Variants in TAFA2 observed in about 807,000 individuals in gnomAD.
The protein encoded by TAFA2 is chemokine-like protein TAFA-2.
In TAFA2, 7 loss-of-function variants were observed where a neutral mutation model predicts 18.8. The observed-to-expected ratio is 0.37, with a 90% confidence interval of 0.21 to 0.70. The LOEUF is 0.70. Among genes scored for constraint, TAFA2 ranks in the 30% least tolerant of loss-of-function variants. The pLI, the probability that TAFA2 is intolerant of heterozygous loss-of-function variation, is 0.53. For synonymous variants in TAFA2, 60 were observed against 54.2 expected (o/e 1.11, Z -0.47); for missense variants, 122 against 158.1 (o/e 0.77, Z 1.23).
chr12:62,137,365 A>T (rs1870938993), intron 1 of TAFA2, among the ~76,000 whole-genome samples: 1 of 152,148 alleles, frequency 6.6e-6, no homozygotes. Flanking sequence ...TCTTCACAAG[A>T]ACCCTGGGAG....
intron 1 of TAFA2, among the ~76,000 whole-genome samples, chr12:62,227,823 T>A (rs539496772): frequency 1.3e-5 from 2 of 152,308 alleles, no homozygotes; most frequent in East Asian, 3.9e-4. Flanking sequence ...ATTCTTCTGC[T>A]TATGGTTTGT....
At chr12:62,259,626 T>A (rs2062975078), upstream of TAFA2, 1 of 152,294 alleles carries the variant, frequency 6.6e-6, no homozygotes, top group Non-Finnish European at 1.5e-5. Context: ...AAGAAAATGT[T>A]ACTATCCTGT....
Position 62,086,812 on chromosome 12 carries a change from G to A in TAFA2, c.-2+104447C>T, listed in dbSNP as rs532841571. ...TATAACCAAGAGAGTTGGGAGCAAGGACTCAAGCAGTTATCTATACACCTA... is the reference window on the plus strand; with the variant it reads ...TATAACCAAGAGAGTTGGGAGCAAGAACTCAAGCAGTTATCTATACACCTA... On this transcript the variant is annotated intron_variant, in intron 1 of 4. Transcript: ENST00000416284. Among the ~76,000 whole-genome samples the A allele has an allele frequency of 2.8e-4, 42 of 152,158 alleles. No homozygotes were observed. The East Asian group carries it at 3.9e-3, about 14-fold the overall frequency.
chr12:61,933,946 C>A (rs1339910473), intron 1 of TAFA2, among the ~76,000 whole-genome samples: 1 of 152,170 alleles, frequency 6.6e-6, no homozygotes. Context: ...AGATTAAATT[C>A]CATCACTTGC....
chr12:61,921,274 G>A (rs569616442), intron 1 of TAFA2, among the ~76,000 whole-genome samples: 61 of 152,258 alleles, frequency 4.0e-4, no homozygotes, highest in Non-Finnish European at 8.4e-4. Context: ...CTTAGGAGAC[G>A]ATGAACTAAC....
chr12:62,096,447 G>A (rs1193910417), intron 1 of TAFA2, among the ~76,000 whole-genome samples: 1 of 152,042 alleles, frequency 6.6e-6, no homozygotes, highest in African/African-American at 2.4e-5. Context: ...TCATAAACAA[G>A]AAAATGCAGA....
chr12:62,203,533 C>T (rs955177143), intron 1 of TAFA2, among the ~76,000 whole-genome samples: 2 of 152,130 alleles, frequency 1.3e-5, no homozygotes, highest in Non-Finnish European at 2.9e-5. Context: ...GTATTGGGTG[C>T]CTATATATTT....
chr12:61,895,126 A>G (rs1875786508), intron 1 of TAFA2, among the ~76,000 whole-genome samples: 1 of 152,190 alleles, frequency 6.6e-6, no homozygotes, highest in Non-Finnish European at 1.5e-5. Context: ...GCAGTGAGCC[A>G]ATAAACATGC....
In TAFA2 at chr12:61,842,157, T is replaced by C. The variant is rs116363295; in HGVS notation, c.106+25163A>G. ...ACGTTTAACACTAGATCATGAGTCTTCTCAGCCACATAAATAGGTTTATTA... is the reference window on the plus strand; with the variant it reads ...ACGTTTAACACTAGATCATGAGTCTCCTCAGCCACATAAATAGGTTTATTA... On this transcript the variant is annotated intron_variant, in intron 2 of 4. Coordinates refer to ENST00000416284, the MANE Select transcript of TAFA2 (RefSeq NM_178539.5). Among the ~76,000 whole-genome samples, 1,428 of 152,038 alleles carry C rather than the reference T, an allele frequency of 9.4e-3. 33 individuals carry two copies. The highest frequency in any genetic ancestry group is 0.033 in the African/African-American group (1,360 of 41,484).
At chr12:61,795,280 CG>C (rs1375970516) in intron 2 of TAFA2, among the ~76,000 whole-genome samples, 6 of 152,092 alleles carry the variant, frequency 3.9e-5, no homozygotes, top group Non-Finnish European at 5.9e-5. Flanking sequence ...CACATGCACA[CG>C]TATGTTTATT....
At chr12:62,203,223 C>A (rs1042348794) in intron 1 of TAFA2, among the ~76,000 whole-genome samples, 5 of 152,188 alleles carry the variant, frequency 3.3e-5, no homozygotes, top group African/African-American at 1.2e-4. Flanking sequence ...GATTTTGGTT[C>A]TTTTGCATTT....
At chr12:62,231,485 C>T (rs758332522) in intron 1 of TAFA2, among the ~76,000 whole-genome samples, 1 of 152,156 alleles carries the variant, frequency 6.6e-6, no homozygotes, top group African/African-American at 2.4e-5. Context: ...GTGAGTTTCA[C>T]GTAGGCAGCA....
intron 1 of TAFA2, among the ~76,000 whole-genome samples, chr12:61,963,108 C>T (rs1878946587): frequency 6.6e-6 from 1 of 151,928 alleles, no homozygotes; most frequent in Admixed American, 6.6e-5. Flanking sequence ...GCCATATTTT[C>T]TTTATCCAGT....
At chr12:62,053,836 A>C (rs544686064) in intron 1 of TAFA2, among the ~76,000 whole-genome samples, 1 of 152,340 alleles carries the variant, frequency 6.6e-6, no homozygotes, top group South Asian at 2.1e-4. Flanking sequence ...CCTATCTCAC[A>C]GGCTTGATGT....
chr12:61,779,887 T>A (rs998551603), intron 2 of TAFA2, among the ~76,000 whole-genome samples: 1 of 151,764 alleles, frequency 6.6e-6, no homozygotes, highest in African/African-American at 2.4e-5. Context: ...TTTCCCTTTT[T>A]ATGACTATAA....
intron 1 of TAFA2, among the ~76,000 whole-genome samples, chr12:62,139,114 C>A (rs191573247): frequency 1.3e-5 from 2 of 152,186 alleles, no homozygotes; most frequent in Admixed American, 1.3e-4. Context: ...AAGCTGTTTA[C>A]CTTTACCAAC....
chr12:61,932,721 T>C (rs1405052816), intron 1 of TAFA2, among the ~76,000 whole-genome samples: 1 of 152,118 alleles, frequency 6.6e-6, no homozygotes, highest in East Asian at 1.9e-4. Flanking sequence ...ATTACAGGTG[T>C]GAGCCACCGC....
intron 1 of TAFA2, among the ~76,000 whole-genome samples, chr12:62,249,743 T>C (rs1409316320): frequency 6.6e-6 from 1 of 152,220 alleles, no homozygotes; most frequent in East Asian, 1.9e-4. Context: ...TGCAAAAGTG[T>C]GAGGTCTACA....
intron 1 of TAFA2, among the ~76,000 whole-genome samples, chr12:62,190,561 A>C (rs1200517421): frequency 6.6e-6 from 1 of 152,204 alleles, no homozygotes; most frequent in Non-Finnish European, 1.5e-5. Context: ...GCTGTTCGTT[A>C]AGAGAATCAT....
Sources: gnomAD v4.1 joint callset for allele counts (sites outside exome capture counted in the v4.1 genomes callset) on GRCh38, gnomAD v4.1.1 for gene constraint, MANE v1.5 for transcripts, NCBI Gene and HGNC (gene_info 2026-07-23, HGNC 2026-07-21) for gene names.